Variants in SPAG16 observed in about 807,000 individuals in gnomAD.
SPAG16 encodes sperm-associated antigen 16 protein.
Under a neutral mutation model 80.4 loss-of-function variants are expected in SPAG16, and 86 were observed. The ratio of observed to expected loss-of-function variants is 1.07; its 90% CI spans 0.90 to 1.28. SPAG16 has a LOEUF of 1.28. Ranked by LOEUF, SPAG16 falls within the 50% of genes most tolerant of loss-of-function variation. The pLI, the probability that SPAG16 is intolerant of heterozygous loss-of-function variation, is 0.00. For missense variants in SPAG16, 870 were observed against 765.3 expected (o/e 1.14, Z -1.61); for synonymous variants, 294 against 265.9 (o/e 1.11, Z -1.03).
chr2:214,184,316 AGT>A (rs2057402816), intron 15 of SPAG16, among the ~76,000 whole-genome samples: 1 of 152,070 alleles, frequency 6.6e-6, no homozygotes, highest in Non-Finnish European at 1.5e-5. Flanking sequence ...ATAAATGTAA[AGT>A]TAGTTGAAAG....
At chr2:214,220,618 A>G (rs961246767) in intron 15 of SPAG16, among the ~76,000 whole-genome samples, 3 of 152,126 alleles carry the variant, frequency 2.0e-5, no homozygotes, top group South Asian at 2.1e-4. Flanking sequence ...GGAATTTGTT[A>G]TAGCTGAATA....
chr2:213,319,928 A>G (rs958735125), intron 5 of SPAG16, among the ~76,000 whole-genome samples: 2 of 151,998 alleles, frequency 1.3e-5, no homozygotes, highest in African/African-American at 4.8e-5. Flanking sequence ...TAATTTTAAC[A>G]GTTTATGGCT....
At position 214,160,171 on chromosome 2, in the gene SPAG16, G is replaced by A. The variant is rs551352406; in HGVS notation, c.1720+10905G>A. ...TGTAAAGAATAGCATGTATTTGAAG[G>A]TGGAGAAAAAAGATGGGCATTCCTA... On this transcript the variant is annotated intron_variant, in intron 15 of 15. Transcript: ENST00000331683. 2.0e-5 allele frequency among the ~76,000 whole-genome samples: 3 copies of A among 147,960 alleles called. No homozygotes were observed. In the East Asian group the frequency reaches 5.9e-4, roughly 29 times the overall value.
rs114174725 is a variant in SPAG16 at position 214,050,131 on chromosome 2, C to A, written c.1527+36054C>A. 2.1e-3 allele frequency among the ~76,000 whole-genome samples: 314 copies of A among 151,858 alleles called. 1 individual carries two copies. Among genetic ancestry groups the A allele is most frequent in the Admixed American group, 3.8e-3 (58 of 15,238 alleles). On this transcript the variant is annotated intron_variant, in intron 13 of 15. Transcript: ENST00000331683. ...GTGAGCTCCTCTTAGTGGGAAGAGG[C>A]GAGAAGTGAAGCCATATGGAAAAAA...
chr2:213,848,464 C>T (rs549421564), intron 10 of SPAG16, among the ~76,000 whole-genome samples: 1 of 152,128 alleles, frequency 6.6e-6, no homozygotes, highest in Non-Finnish European at 1.5e-5. Flanking sequence ...GGATACTAAG[C>T]TTCCTTTTTT....
At chr2:213,780,774 G>A (rs1397253730) in intron 10 of SPAG16, among the ~76,000 whole-genome samples, 2 of 151,856 alleles carry the variant, frequency 1.3e-5, no homozygotes, top group Admixed American at 1.3e-4. Context: ...GAAACTGCCT[G>A]TATGCTTTTT....
intron 11 of SPAG16, among the ~76,000 whole-genome samples, chr2:213,886,702 A>G (rs995243598): frequency 6.6e-6 from 1 of 152,114 alleles, no homozygotes; most frequent in African/African-American, 2.4e-5. Flanking sequence ...TCTCAAATGT[A>G]TTAGAACTTG....
chr2:213,407,860 A>G (rs2068732010), intron 9 of SPAG16, among the ~76,000 whole-genome samples: 1 of 136,964 alleles, frequency 7.3e-6, no homozygotes, highest in South Asian at 2.6e-4. Flanking sequence ...AGGCAGAGAG[A>G]GAGACAGGAG....
At chr2:213,766,717 G>A (rs1054751726) in intron 10 of SPAG16, among the ~76,000 whole-genome samples, 1 of 152,156 alleles carries the variant, frequency 6.6e-6, no homozygotes, top group Non-Finnish European at 1.5e-5. Flanking sequence ...GTGAAGTACA[G>A]GCTACTGAGT....
intron 10 of SPAG16, among the ~76,000 whole-genome samples, chr2:213,655,213 T>C (rs949625981): frequency 6.6e-6 from 1 of 152,210 alleles, no homozygotes; most frequent in Non-Finnish European, 1.5e-5. Flanking sequence ...AGGGAGGCTG[T>C]GCGTATATAG....
At chr2:213,673,168 C>T (rs143785591) in intron 10 of SPAG16, among the ~76,000 whole-genome samples, 1 of 152,224 alleles carries the variant, frequency 6.6e-6, no homozygotes, top group East Asian at 1.9e-4. Context: ...TATCAGACTG[C>T]CACAGCATTT....
chr2:213,348,771 T>G (rs2125030592), intron 6 of SPAG16, among the ~76,000 whole-genome samples: 1 of 152,360 alleles, frequency 6.6e-6, no homozygotes, highest in East Asian at 1.9e-4. Flanking sequence ...GGGCTTCCCT[T>G]TGTGACTAAC....
intron 11 of SPAG16, among the ~76,000 whole-genome samples, chr2:213,875,635 C>A (rs1007168784): frequency 3.9e-5 from 6 of 152,088 alleles, no homozygotes; most frequent in Admixed American, 3.3e-4. Context: ...CAAAAGGGAC[C>A]AGACTCTGCG....
At chr2:213,486,775 T>C (rs1379119947) in intron 9 of SPAG16, among the ~76,000 whole-genome samples, 1 of 152,066 alleles carries the variant, frequency 6.6e-6, no homozygotes, top group Non-Finnish European at 1.5e-5. Context: ...ACTTATAATT[T>C]GATTAATATA....
At chr2:214,146,802 C>T (rs982886512) in intron 14 of SPAG16, among the ~76,000 whole-genome samples, 1 of 151,984 alleles carries the variant, frequency 6.6e-6, no homozygotes, top group Non-Finnish European at 1.5e-5. Context: ...AGATCAAGAC[C>T]ATCCTGGCTA....
At chr2:214,274,450 C>G (rs969772455) in intron 15 of SPAG16, among the ~76,000 whole-genome samples, 2 of 152,032 alleles carry the variant, frequency 1.3e-5, no homozygotes, top group African/African-American at 4.8e-5. Context: ...ATAGCTCTTA[C>G]TATTTTGAGA....
intron 15 of SPAG16, among the ~76,000 whole-genome samples, chr2:214,284,017 C>G (rs1031152751): frequency 6.6e-6 from 1 of 152,048 alleles, no homozygotes; most frequent in African/African-American, 2.4e-5. Context: ...AAAACGTATC[C>G]TATTGATTTG....
intron 15 of SPAG16, among the ~76,000 whole-genome samples, chr2:214,321,146 T>A (rs1226701523): frequency 6.6e-6 from 1 of 152,206 alleles, no homozygotes; most frequent in East Asian, 1.9e-4. Context: ...AGATAATGGC[T>A]ATCAGAGAAA....
intron 13 of SPAG16, among the ~76,000 whole-genome samples, chr2:214,061,981 G>GCACACA (rs58582439): frequency 0.025 from 2,838 of 111,536 alleles, 43 homozygotes; most frequent in African/African-American, 0.048. Context: ...ATAAAAGCAT[G>GCACACA]CACACACACA....
Sources: gnomAD v4.1 joint callset for allele counts (sites outside exome capture counted in the v4.1 genomes callset) on GRCh38, gnomAD v4.1.1 for gene constraint, MANE v1.5 for transcripts, NCBI Gene and HGNC (gene_info 2026-07-23, HGNC 2026-07-21) for gene names.